Variants in TMTC2 observed in about 807,000 individuals in gnomAD.
TMTC2 encodes transmembrane O-mannosyltransferase targeting cadherins 2, also known as protein O-mannosyl-transferase TMTC2.
A neutral mutation model predicts 82.4 loss-of-function variants in TMTC2; 43 were observed. That is an observed-to-expected ratio of 0.52 (90% CI 0.41 to 0.67). The LOEUF (loss-of-function observed/expected upper bound fraction) is 0.67. Ranked by LOEUF, TMTC2 falls within the 30% of genes least tolerant of loss-of-function variation. The pLI is 0.00. For synonymous variants in TMTC2, 408 were observed against 381.9 expected (o/e 1.07, Z -0.80); for missense variants, 919 against 1,012.4 (o/e 0.91, Z 1.25).
intron 4 of TMTC2, among the ~76,000 whole-genome samples, chr12:82,932,570 TA>T (rs1215075742): frequency 6.6e-6 from 1 of 152,190 alleles, no homozygotes; most frequent in Non-Finnish European, 1.5e-5. Flanking sequence ...TATATTACTA[TA>T]TTTTTTATTA....
At chr12:83,022,833 C>G (rs1247430792) in intron 8 of TMTC2, among the ~76,000 whole-genome samples, 1 of 152,128 alleles carries the variant, frequency 6.6e-6, no homozygotes, top group African/African-American at 2.4e-5. Context: ...TAATTTACAG[C>G]CTGCTTATTT....
At chr12:82,854,758 G>A (rs953243886) in intron 1 of TMTC2, among the ~76,000 whole-genome samples, 2 of 152,082 alleles carry the variant, frequency 1.3e-5, no homozygotes, top group African/African-American at 4.8e-5. Flanking sequence ...TGAACATTTA[G>A]AAAAGTCAAC....
intron 4 of TMTC2, among the ~76,000 whole-genome samples, chr12:82,962,564 C>CA (rs1363054420): frequency 6.6e-6 from 1 of 151,982 alleles, no homozygotes; most frequent in Non-Finnish European, 1.5e-5. Context: ...GTGTTAATTA[C>CA]AAAGATTTTT....
chr12:82,716,501 C>G (rs937415808), intron 1 of TMTC2, among the ~76,000 whole-genome samples: 1 of 151,866 alleles, frequency 6.6e-6, no homozygotes, highest in African/African-American at 2.4e-5. Context: ...GTAGCTGGGA[C>G]TACAGGCGCG....
intron 9 of TMTC2, among the ~76,000 whole-genome samples, chr12:83,043,389 A>T (rs929298341): frequency 1.3e-5 from 2 of 152,114 alleles, no homozygotes; most frequent in African/African-American, 4.8e-5. Flanking sequence ...CCTTTTATGC[A>T]CTCATCTTGT....
chr12:83,031,262 A>G (rs777225613), intron 9 of TMTC2, among the ~76,000 whole-genome samples: 35 of 152,144 alleles, frequency 2.3e-4, no homozygotes, highest in Non-Finnish European at 3.7e-4. Context: ...GTCATTTTGA[A>G]GTTTTAGAAG....
chr12:82,781,038 G>A (rs1188593554), intron 1 of TMTC2, among the ~76,000 whole-genome samples: 1 of 151,866 alleles, frequency 6.6e-6, no homozygotes, highest in Non-Finnish European at 1.5e-5. Context: ...TGTTGCTTTT[G>A]CAGTTTTAGA....
intron 1 of TMTC2, among the ~76,000 whole-genome samples, chr12:82,850,729 T>A (rs1870929490): frequency 6.6e-6 from 1 of 152,160 alleles, no homozygotes; most frequent in Non-Finnish European, 1.5e-5. Context: ...GAAATATTCA[T>A]GACCATGATC....
intron 8 of TMTC2, among the ~76,000 whole-genome samples, chr12:83,026,394 C>G (rs530301671): frequency 2.0e-5 from 3 of 152,080 alleles, no homozygotes; most frequent in African/African-American, 7.2e-5. Flanking sequence ...AAATTTACAT[C>G]TTTAAATATA....
intron 9 of TMTC2, among the ~76,000 whole-genome samples, chr12:83,031,157 T>C (rs1881415616): frequency 1.3e-5 from 2 of 152,092 alleles, no homozygotes; most frequent in South Asian, 4.2e-4. Flanking sequence ...TGAGATCTCA[T>C]CAGGAAAGCA....
At chr12:83,073,737 A>G (rs1001392101) in intron 11 of TMTC2, among the ~76,000 whole-genome samples, 4 of 151,680 alleles carry the variant, frequency 2.6e-5, no homozygotes, top group Non-Finnish European at 4.4e-5. Context: ...TGAGCTCTGA[A>G]TTTCCTTCTT....
chr12:82,753,406 T>G (rs1398538027), intron 1 of TMTC2, among the ~76,000 whole-genome samples: 1 of 151,856 alleles, frequency 6.6e-6, no homozygotes, highest in African/African-American at 2.4e-5. Flanking sequence ...CTTTAAACTG[T>G]TTCCTCACTG....
chr12:82,775,931 A>G (rs996558504), intron 1 of TMTC2, among the ~76,000 whole-genome samples: 6 of 151,816 alleles, frequency 4.0e-5, no homozygotes, highest in Non-Finnish European at 8.8e-5. Flanking sequence ...GCAGATTTTC[A>G]TTTTTTGAGA....
At chr12:82,911,270 C>T (rs1417737940) in intron 3 of TMTC2, among the ~76,000 whole-genome samples, 1 of 152,088 alleles carries the variant, frequency 6.6e-6, no homozygotes, top group Non-Finnish European at 1.5e-5. Flanking sequence ...GGCAGGAGTG[C>T]CTGTCCTCCC....
intron 1 of TMTC2, among the ~76,000 whole-genome samples, chr12:82,689,370 C>G (rs1383216221): frequency 1.3e-5 from 2 of 151,278 alleles, no homozygotes; most frequent in Non-Finnish European, 2.9e-5. Context: ...CACCTTGGGT[C>G]AGTGTGGGCA....
chr12:82,846,151 G>A (rs1225502534), intron 1 of TMTC2, among the ~76,000 whole-genome samples: 1 of 152,066 alleles, frequency 6.6e-6, no homozygotes, highest in Non-Finnish European at 1.5e-5. Flanking sequence ...TTGAGGTCAG[G>A]AGTTCGAGAC....
At chr12:83,111,063 TGCTA>T (rs1408965382) in intron 11 of TMTC2, among the ~76,000 whole-genome samples, 2 of 152,232 alleles carry the variant, frequency 1.3e-5, no homozygotes, top group African/African-American at 4.8e-5. Flanking sequence ...CTTCCACTGC[TGCTA>T]TCCTGGTCAA....
At chr12:82,942,393 G>A (rs561024459) in intron 4 of TMTC2, among the ~76,000 whole-genome samples, 1 of 152,166 alleles carries the variant, frequency 6.6e-6, no homozygotes, top group South Asian at 2.1e-4. Context: ...GTTATAAGTG[G>A]CTATGTAACT....
intron 2 of TMTC2, among the ~76,000 whole-genome samples, chr12:82,869,869 A>T (rs1348372144): frequency 5.3e-5 from 8 of 151,678 alleles, no homozygotes; most frequent in Admixed American, 4.6e-4. Flanking sequence ...AATAAAAATA[A>T]AAAAAATAAG....
Sources: gnomAD v4.1 joint callset for allele counts (sites outside exome capture counted in the v4.1 genomes callset) on GRCh38, gnomAD v4.1.1 for gene constraint, MANE v1.5 for transcripts, NCBI Gene and HGNC (gene_info 2026-07-23, HGNC 2026-07-21) for gene names.